Variants in HS2ST1 observed in about 807,000 individuals in gnomAD.
HS2ST1 encodes 2-O-sulfotransferase.
In HS2ST1, 18 loss-of-function variants were observed where a neutral mutation model predicts 42.9. That is an observed-to-expected ratio of 0.42 (90% CI 0.29 to 0.62). The LOEUF is 0.62. Among genes scored for constraint, HS2ST1 ranks in the 20% least tolerant of loss-of-function variants. The pLI, the probability that HS2ST1 is intolerant of heterozygous loss-of-function variation, is 0.21. For synonymous variants in HS2ST1, 146 were observed against 152.9 expected, an observed-to-expected ratio of 0.95 and a Z score of 0.33; for missense variants, 334 against 433.8, an observed-to-expected ratio of 0.77 and a Z score of 2.04.
In HS2ST1 at chr1:87,109,431, A is replaced by G. The variant is rs556968386; in HGVS notation, c.*4735A>G. On this transcript the variant is annotated 3_prime_UTR_variant, in exon 7 of 7. Coordinates refer to ENST00000370550, the MANE Select transcript of HS2ST1 (RefSeq NM_012262.4). ...ATTTCAGATGGAAAACTTACAAAAT[A>G]TATACTTAATTAGAAGAAAAAAATA... is the stretch of plus-strand genomic sequence containing the variant. 4 of 152,250 alleles carry G rather than the reference A, an allele frequency of 2.6e-5. No individual in the cohort carries two copies. The highest frequency in any genetic ancestry group is 7.2e-5 in the African/African-American group (3 of 41,570). The allele number at this position is 152,250 out of a possible 1,614,324, so 9.4% of individuals were successfully genotyped here. A position where few individuals can be genotyped will look rare whatever the true frequency, so the allele number is the denominator to read the frequency against.
intron 1 of HS2ST1, among the ~76,000 whole-genome samples, chr1:86,948,635 C>T (rs572905545): frequency 4.6e-5 from 7 of 152,282 alleles, no homozygotes; most frequent in African/African-American, 1.7e-4. Context: ...TGTCCAGTGA[C>T]ATTAGAAATT....
intron 1 of HS2ST1, among the ~76,000 whole-genome samples, chr1:86,986,039 C>CTTTTTT (rs11377612): frequency 7.5e-6 from 1 of 133,836 alleles, no homozygotes; most frequent in Non-Finnish European, 1.6e-5. Context: ...AGCTTGGCCT[C>CTTTTTT]TTTTTTTTTT....
At chr1:86,971,562 G>T (rs1386807882) in intron 1 of HS2ST1, among the ~76,000 whole-genome samples, 1 of 152,176 alleles carries the variant, frequency 6.6e-6, no homozygotes, top group African/African-American at 2.4e-5. Flanking sequence ...TGAAGATGTG[G>T]AATTTGAATA....
chr1:87,069,022 A>G (rs185897253), intron 1 of HS2ST1, among the ~76,000 whole-genome samples: 184 of 152,266 alleles, frequency 1.2e-3, no homozygotes, highest in African/African-American at 4.2e-3. Context: ...TAAGTTTTCT[A>G]TTTGTTAAGG....
chr1:87,085,934 G>A (rs1651806511), intron 3 of HS2ST1, among the ~76,000 whole-genome samples: 1 of 152,118 alleles, frequency 6.6e-6, no homozygotes, highest in African/African-American at 2.4e-5. Context: ...TTAAGCGTTT[G>A]AATATTTTCA....
chr1:87,019,629 T>G (rs530640077), intron 1 of HS2ST1, among the ~76,000 whole-genome samples: 1 of 152,338 alleles, frequency 6.6e-6, no homozygotes, highest in African/African-American at 2.4e-5. Context: ...CTCTTTCAGT[T>G]TGCAAAACTA....
intron 1 of HS2ST1, among the ~76,000 whole-genome samples, chr1:86,991,306 CATG>C (rs972127331): frequency 3.9e-5 from 6 of 152,104 alleles, no homozygotes; most frequent in African/African-American, 1.4e-4. Context: ...GAACATGAAA[CATG>C]ATAGGTTCAG....
At chr1:87,070,898 G>A (rs1045685646) in intron 1 of HS2ST1, among the ~76,000 whole-genome samples, 5 of 151,910 alleles carry the variant, frequency 3.3e-5, no homozygotes, top group Non-Finnish European at 5.9e-5. Context: ...TATTGTCTAG[G>A]CAGCTGTCTA....
At chr1:87,095,502 T>C (rs937030433) in intron 4 of HS2ST1, among the ~76,000 whole-genome samples, 2 of 152,200 alleles carry the variant, frequency 1.3e-5, no homozygotes, top group African/African-American at 4.8e-5. Context: ...CTTGATCTTG[T>C]AAAGAATGGA....
chr1:87,059,809 A>G (rs1468013727), intron 1 of HS2ST1, among the ~76,000 whole-genome samples: 1 of 152,118 alleles, frequency 6.6e-6, no homozygotes, highest in Non-Finnish European at 1.5e-5. Context: ...GGTAAATCTG[A>G]CTCTGGTCAG....
chr1:87,034,453 G>C (rs1650320721), intron 1 of HS2ST1, among the ~76,000 whole-genome samples: 2 of 152,122 alleles, frequency 1.3e-5, no homozygotes, highest in African/African-American at 4.8e-5. Flanking sequence ...TATTGTTCAA[G>C]CTATAGTAAT....
chr1:87,063,288 T>C (rs547912062), intron 1 of HS2ST1, among the ~76,000 whole-genome samples: 36 of 152,348 alleles, frequency 2.4e-4, no homozygotes, highest in African/African-American at 8.7e-4. Flanking sequence ...ATCTCTTCCA[T>C]TCTGCTGTTG....
intron 1 of HS2ST1, among the ~76,000 whole-genome samples, chr1:86,971,948 T>A (rs1304244317): frequency 6.6e-6 from 1 of 152,222 alleles, no homozygotes; most frequent in Non-Finnish European, 1.5e-5. Flanking sequence ...CCTTCAACTT[T>A]TTATACTTGT....
intron 1 of HS2ST1, chr1:86,934,584 G>C (rs981597661): frequency 1.3e-5 from 2 of 152,276 alleles, no homozygotes; most frequent in African/African-American, 4.8e-5. Flanking sequence ...CCAGTTTTGG[G>C]AGCAGCAGTT....
chr1:87,088,015 G>A (rs1258359988), intron 3 of HS2ST1, among the ~76,000 whole-genome samples: 1 of 152,050 alleles, frequency 6.6e-6, no homozygotes, highest in African/African-American at 2.4e-5. Flanking sequence ...TGGGGTGGTG[G>A]TGAGGATTAA....
chr1:87,038,334 A>G (rs1650434966), intron 1 of HS2ST1, among the ~76,000 whole-genome samples: 1 of 152,100 alleles, frequency 6.6e-6, no homozygotes, highest in South Asian at 2.1e-4. Flanking sequence ...CTGTGTCAAT[A>G]CATTTTATTT....
chr1:87,066,854 G>A (rs1398514485), intron 1 of HS2ST1, among the ~76,000 whole-genome samples: 5 of 152,076 alleles, frequency 3.3e-5, no homozygotes, highest in Admixed American at 1.3e-4. Context: ...AGTTTGCTGA[G>A]AATGATGGTT....
At chr1:86,923,563 A>G (rs774955460) in intron 1 of HS2ST1, among the ~76,000 whole-genome samples, 3 of 151,910 alleles carry the variant, frequency 2.0e-5, no homozygotes, top group Admixed American at 6.6e-5. Flanking sequence ...CGCCTGGCCA[A>G]TATTTTGTAT....
At chr1:87,092,700 G>C (rs763331095) in intron 4 of HS2ST1, 31 bp downstream of exon 4, 13 of 1,438,240 alleles carry the variant, frequency 9.0e-6, no homozygotes, top group South Asian at 5.6e-5. Context: ...TTTTTATAAA[G>C]ATAATTGTTT....
Sources: allele counts gnomAD v4.1 joint callset (sites outside exome capture counted in the v4.1 genomes callset), GRCh38; gene constraint gnomAD v4.1.1; transcripts MANE v1.5; gene names NCBI Gene and HGNC (gene_info 2026-07-23, HGNC 2026-07-21).